The following MACROD2 variants were observed in gnomAD, a reference collection of about 807,000 sequenced individuals.
MACROD2 encodes mono-ADP ribosylhydrolase 2.
In MACROD2, 36 loss-of-function variants were observed where a neutral mutation model predicts 70.4. The ratio of observed to expected loss-of-function variants is 0.51; its 90% CI spans 0.39 to 0.68. MACROD2 has a LOEUF of 0.68. MACROD2 is among the 30% of genes least tolerant of loss of function. The pLI is 0.00. For missense variants in MACROD2, 496 were observed against 538.4 expected, an observed-to-expected ratio of 0.92 and a Z score of 0.78; for synonymous variants, 172 against 178.8, an observed-to-expected ratio of 0.96 and a Z score of 0.30.
chr20:15,394,356 C>G (rs866661923), intron 6 of MACROD2, among the ~76,000 whole-genome samples: 3 of 152,208 alleles, frequency 2.0e-5, no homozygotes, highest in African/African-American at 7.2e-5. Flanking sequence ...TGTAAGATAG[C>G]ATCTTTCTTC....
At chr20:14,317,401 C>T (rs1449617601) in intron 3 of MACROD2, among the ~76,000 whole-genome samples, 6 of 152,018 alleles carry the variant, frequency 3.9e-5, no homozygotes, top group Non-Finnish European at 7.4e-5. Flanking sequence ...GGGTGGATCA[C>T]GAGGTCAAGA....
At chr20:15,286,770 G>C (rs1279114237) in intron 6 of MACROD2, among the ~76,000 whole-genome samples, 1 of 152,136 alleles carries the variant, frequency 6.6e-6, no homozygotes, top group Non-Finnish European at 1.5e-5. Flanking sequence ...AAGTTTCTTA[G>C]ATCTGGATTC....
intron 7 of MACROD2, among the ~76,000 whole-genome samples, chr20:15,490,519 C>T (rs1201332650): frequency 6.6e-6 from 1 of 151,998 alleles, no homozygotes; most frequent in Admixed American, 6.6e-5. Context: ...CCAAAACATC[C>T]CCAAATGCTA....
chr20:14,770,688 G>T (rs373916188), intron 5 of MACROD2, among the ~76,000 whole-genome samples: 39 of 151,994 alleles, frequency 2.6e-4, no homozygotes, highest in East Asian at 1.2e-3. Context: ...CTAAATACTT[G>T]GCATGTATTT....
rs554306524 is a variant in MACROD2, at chr20:15,997,430, T to C, written c.1153+10272T>C. Among the ~76,000 whole-genome samples the C allele has an allele frequency of 4.6e-5, 7 of 152,304 alleles. No homozygotes were observed. In the South Asian group the frequency reaches 1.2e-3, roughly 27 times the overall value. On this transcript the variant is annotated intron_variant, in intron 15 of 17. Transcript: ENST00000684519. ...CAGATTTTTCACTGCCTTGGTTATA[T>C]ATATTCCTAAGTATTTTATTATTTC...
chr20:14,730,277 A>G (rs1250570189), intron 5 of MACROD2, among the ~76,000 whole-genome samples: 1 of 152,268 alleles, frequency 6.6e-6, no homozygotes, highest in African/African-American at 2.4e-5. Flanking sequence ...TAGTTTCAGG[A>G]ACACCAACAA....
chr20:14,752,366 T>C (rs1039453745), intron 5 of MACROD2, among the ~76,000 whole-genome samples: 2 of 150,930 alleles, frequency 1.3e-5, no homozygotes, highest in African/African-American at 4.9e-5. Flanking sequence ...ACTACATCCA[T>C]TGAGTTATAG....
At chr20:14,706,081 C>A (rs908348326) in intron 5 of MACROD2, among the ~76,000 whole-genome samples, 2 of 151,966 alleles carry the variant, frequency 1.3e-5, no homozygotes, top group Non-Finnish European at 2.9e-5. Flanking sequence ...TTTGAGAGGC[C>A]AAGGCGGGTG....
intron 8 of MACROD2, among the ~76,000 whole-genome samples, chr20:15,582,300 A>G (rs2048536444): frequency 1.3e-5 from 2 of 151,992 alleles, no homozygotes; most frequent in South Asian, 4.1e-4. Flanking sequence ...AGAAGGGTGA[A>G]TATACATTTA....
At chr20:14,584,280 A>G (rs1418851791) in intron 4 of MACROD2, among the ~76,000 whole-genome samples, 1 of 152,212 alleles carries the variant, frequency 6.6e-6, no homozygotes, top group Non-Finnish European at 1.5e-5. Context: ...CTTACTTTAG[A>G]AATACAAATA....
intron 6 of MACROD2, among the ~76,000 whole-genome samples, chr20:15,280,063 T>G (rs2077429270): frequency 6.6e-6 from 1 of 152,216 alleles, no homozygotes; most frequent in African/African-American, 2.4e-5. Flanking sequence ...AAATCTGAAT[T>G]ATATTTGTAA....
At chr20:15,753,263 C>T (rs764332527) in intron 8 of MACROD2, among the ~76,000 whole-genome samples, 2 of 152,282 alleles carry the variant, frequency 1.3e-5, no homozygotes, top group East Asian at 1.9e-4. Context: ...CAGGAAGCTC[C>T]GCTTCCTTCC....
At chr20:15,965,681 AT>A (rs2066130345) in intron 12 of MACROD2, among the ~76,000 whole-genome samples, 1 of 152,156 alleles carries the variant, frequency 6.6e-6, no homozygotes, top group East Asian at 1.9e-4. Flanking sequence ...ATCATTGTAT[AT>A]TTTTAGTGTT....
At chr20:14,550,220 G>A (rs1215740260) in intron 4 of MACROD2, among the ~76,000 whole-genome samples, 1 of 152,124 alleles carries the variant, frequency 6.6e-6, no homozygotes, top group Non-Finnish European at 1.5e-5. Flanking sequence ...ACTGCACCCA[G>A]CCCAATTACA....
chr20:14,845,820 AGTCAGATTTG>A (rs1204869285), intron 5 of MACROD2, among the ~76,000 whole-genome samples: 1 of 152,076 alleles, frequency 6.6e-6, no homozygotes, highest in Non-Finnish European at 1.5e-5. Context: ...AGTCACGACC[AGTCAGATTTG>A]GCTGACTTGT....
intron 8 of MACROD2, among the ~76,000 whole-genome samples, chr20:15,813,153 C>T (rs555427704): frequency 1.3e-5 from 2 of 152,246 alleles, no homozygotes; most frequent in Admixed American, 6.5e-5. Context: ...CCAAAAAAAG[C>T]ACAAGCTAAA....
intron 10 of MACROD2, among the ~76,000 whole-genome samples, chr20:15,897,877 CT>C (rs1392461044): frequency 6.6e-6 from 1 of 151,968 alleles, no homozygotes; most frequent in Non-Finnish European, 1.5e-5. Flanking sequence ...TGTATTTTGC[CT>C]TTTTGATGAT....
intron 16 of MACROD2, 105 bp from the exon 17 acceptor site, chr20:16,044,466 C>T: frequency 1.1e-6 from 1 of 894,010 alleles, no homozygotes; most frequent in Non-Finnish European, 1.7e-6. Flanking sequence ...GGAAAAGAGG[C>T]ATCAAATAGG....
chr20:15,572,698 T>C lies in MACROD2; in HGVS notation c.645+72851T>C, dbSNP rs1157244463. ...AAAATAAGTATTTCGCATGAATGCA[T>C]GAGAACCCACACTTATTTTATATTT... On this transcript the variant is annotated intron_variant, in intron 8 of 17. Coordinates refer to ENST00000684519, the MANE Select transcript of MACROD2 (RefSeq NM_001351661.2). Among the ~76,000 whole-genome samples, 4 of 152,142 alleles carry C rather than the reference T, an allele frequency of 2.6e-5. No homozygotes were observed. The East Asian group carries it at 7.7e-4, about 29-fold the overall frequency.
Sources: allele counts gnomAD v4.1 joint callset (sites outside exome capture counted in the v4.1 genomes callset), GRCh38; gene constraint gnomAD v4.1.1; transcripts MANE v1.5; gene names NCBI Gene and HGNC (gene_info 2026-07-23, HGNC 2026-07-21).